DACT1: variants seen among roughly 807,000 people sequenced by gnomAD.
DACT1 encodes dishevelled binding antagonist of beta catenin 1, also known as dapper homolog 1.
DACT1 carries 19 observed loss-of-function variants against 35.3 expected under a neutral mutation model. The ratio of observed to expected loss-of-function variants is 0.54; its 90% CI spans 0.38 to 0.79. The LOEUF is 0.79. DACT1 is among the 30% of genes least tolerant of loss of function. DACT1 has a pLI of 0.00. For synonymous variants in DACT1, 545 were observed against 466.7 expected (o/e 1.17, Z -2.16); for missense variants, 1,143 against 1,057.5 (o/e 1.08, Z -1.12).
chr14:58,646,942 C>G lies in DACT1; in HGVS notation c.2208C>G (p.Thr736=), dbSNP rs146869614. The change falls in exon 4 of 4, where the codon ACC becomes ACG. Residue 736 remains threonine, a synonymous_variant. Transcript: ENST00000395153. ...EGEFVGESTT[T]SDSEESGGLI... is the part of the protein sequence containing the mutation. ...AGTTCGTGGGGGAGAGCACAACCAC[C>G]AGCGACTCTGAAGAAAGCGGGGGCT... 13 of 1,614,050 alleles carry G rather than the reference C, an allele frequency of 8.1e-6. No individual in the cohort carries two copies. In the African/African-American group the frequency reaches 1.5e-4, roughly 18 times the overall value.
chr14:58,643,466 G>T (rs2047646110), intron 3 of DACT1, among the ~76,000 whole-genome samples: 1 of 152,208 alleles, frequency 6.6e-6, no homozygotes. Context: ...GAGCTAATTG[G>T]CTGGTGTCTT....
chr14:58,646,612 G>A lies in DACT1; in HGVS notation c.1878G>A (p.Glu626=), dbSNP rs776544592. 14 of 1,604,362 alleles carry A rather than the reference G, an allele frequency of 8.7e-6. No individual in the cohort carries two copies. In the South Asian group the frequency reaches 1.6e-4, roughly 18 times the overall value. ...AGSRAHGHGR[E]AVVAKPKHKR... ...GCAGGGCGCATGGCCACGGACGGGA[G>A]GCGGTGGTGGCCAAACCTAAGCACA... Residue 626 remains glutamate (E), a synonymous_variant, in exon 4 of 4, where the codon GAG becomes GAA. Transcript: ENST00000395153.
In DACT1 at chr14:58,645,710, A is replaced by T. The variant is rs768116433; in HGVS notation, c.976A>T (p.Asn326Tyr). The change falls in exon 4 of 4, where the codon AAC becomes TAC. Residue 326 changes from asparagine to tyrosine, a missense_variant. Asn to Tyr is a moderately radical substitution (Grantham distance 143). Coordinates refer to ENST00000395153, the MANE Select transcript of DACT1 (RefSeq NM_001079520.2). ...GACCAACAAACCAAGAACCAGCGTG[A>T]ACGCTGACCCCACGAAAGGGCTTCT... is the stretch of plus-strand genomic sequence containing the variant. Reference protein sequence around the residue: ...VRTNKPRTSVNADPTKGLLRN... With the variant: ...VRTNKPRTSVYADPTKGLLRN... 6.8e-6 allele frequency: 11 copies of T among 1,614,256 alleles called. No homozygotes were observed. The highest frequency in any genetic ancestry group is 3.3e-4 in the Middle Eastern group (2 of 6,062).
At chr14:58,635,329 C>T (rs1311424721), upstream of DACT1, among the ~76,000 whole-genome samples, 3 of 152,146 alleles carry the variant, frequency 2.0e-5, no homozygotes, top group Non-Finnish European at 4.4e-5. Flanking sequence ...AATTTGGCTG[C>T]TAGCTTAAAA....
At position 58,647,125 on chromosome 14, in the gene DACT1, G is replaced by T. The variant is rs373513248; in HGVS notation, c.2391G>T (p.Thr797=). 1 of 1,613,700 alleles carries T rather than the reference G, an allele frequency of 6.2e-7. No individual in the cohort carries two copies. The highest frequency in any genetic ancestry group is 8.5e-7 in the Non-Finnish European group (1 of 1,179,956). ...GGTCTGGCTCTTTGAAACTGATGAC[G>T]ACGGTTTGAGTGACATCATTGGTGT... The part of the protein sequence containing the change: ...RFRSGSLKLM[T]TV The change falls in exon 4 of 4, where the codon ACG becomes ACT. Residue 797 remains threonine (T), a synonymous_variant. Transcript: ENST00000395153.
At chr14:58,644,846 C>T (rs1267044623) in intron 3 of DACT1, among the ~76,000 whole-genome samples, 1 of 152,164 alleles carries the variant, frequency 6.6e-6, no homozygotes, top group African/African-American at 2.4e-5. Context: ...AAGTAAATAT[C>T]ACTTACTTCT....
At chr14:58,637,453 G>A (rs2047580960), upstream of DACT1, among the ~76,000 whole-genome samples, 1 of 152,260 alleles carries the variant, frequency 6.6e-6, no homozygotes, top group Admixed American at 6.5e-5. Context: ...CAGTGTCTGT[G>A]AATACACTTG....
At chr14:58,640,508 T>G (rs539580012) in intron 1 of DACT1, among the ~76,000 whole-genome samples, 1 of 152,348 alleles carries the variant, frequency 6.6e-6, no homozygotes, top group African/African-American at 2.4e-5. Context: ...ACAAGTCTTG[T>G]TTTTATGAAG....
upstream of DACT1, among the ~76,000 whole-genome samples, chr14:58,636,997 GC>G (rs34548938): frequency 1.3e-5 from 2 of 152,312 alleles, no homozygotes; most frequent in East Asian, 3.9e-4. Flanking sequence ...TAAGTGCACA[GC>G]CCCCACAATA....
At position 58,646,539 on chromosome 14, in the gene DACT1, A is replaced by T; in HGVS notation, c.1805A>T (p.Glu602Val). 2 of 1,555,918 alleles carry T rather than the reference A, an allele frequency of 1.3e-6. No individual in the cohort carries two copies. The highest frequency in any genetic ancestry group is 1.7e-6 in the Non-Finnish European group (2 of 1,153,392). The change falls in exon 4 of 4, where the codon GAG (glutamate) becomes GTG (valine). Residue 602 changes from glutamate (E) to valine (V), a missense_variant. Coordinates refer to ENST00000395153, the MANE Select transcript of DACT1 (RefSeq NM_001079520.2). ...GGGAGGAAGAGTGGGGGCGGGCCCG[A>T]GGCTGGTGTTCCCGGCAGGCCCGCG... ...SKGRKSGGGPEAGVPGRPAGG... is the reference protein window; with the variant it reads ...SKGRKSGGGPVAGVPGRPAGG...
At chr14:58,636,413 T>A (rs1382061023), upstream of DACT1, among the ~76,000 whole-genome samples, 2 of 152,296 alleles carry the variant, frequency 1.3e-5, no homozygotes, top group East Asian at 3.9e-4. Flanking sequence ...TAAGAGGGTA[T>A]TAAAACAGTC....
At position 58,645,681 on chromosome 14, in the gene DACT1, T is replaced by A. The variant is rs778616500; in HGVS notation, c.947T>A (p.Val316Glu). 6.2e-7 allele frequency: 1 copy of A among 1,614,172 alleles called. No individual in the cohort carries two copies. Among genetic ancestry groups the A allele is most frequent in the Non-Finnish European group, 8.5e-7 (1 of 1,180,034 alleles). Residue 316 changes from valine (V) to glutamate (E), a missense_variant, in exon 4 of 4, where the codon GTA becomes GAA. This residue lies in a region of DACT1 where 1,054 missense variants were observed against 958.8 expected (regional missense o/e 1.10). Transcript: ENST00000395153. ...CTGGTCCAGAAAAAAACACACCCTG[T>A]AAGGACCAACAAACCAAGAACCAGC... ...LSLVQKKTHP[V>E]RTNKPRTSVN...
At chr14:58,640,945 C>A in intron 2 of DACT1, 77 bp downstream of exon 2, 1 of 1,510,348 alleles carries the variant, frequency 6.6e-7, no homozygotes, top group Non-Finnish European at 9.1e-7. Flanking sequence ...CATTCCCAGA[C>A]CTGCAAATGG....
At chr14:58,637,564 G>C (rs1024010518), upstream of DACT1, among the ~76,000 whole-genome samples, 2 of 152,210 alleles carry the variant, frequency 1.3e-5, no homozygotes, top group Non-Finnish European at 2.9e-5. Flanking sequence ...CAACTTGGTC[G>C]AGTTTCAGAA....
Position 58,645,894 on chromosome 14 carries a change from A to C in DACT1, c.1160A>C (p.Lys387Thr), listed in dbSNP as rs1490927667. The C allele has an allele frequency of 1.6e-5, 26 of 1,614,086 alleles. No homozygotes were observed. The highest frequency in any genetic ancestry group is 2.1e-5 in the Non-Finnish European group (25 of 1,180,046). The part of the protein sequence containing the change: ...SPPKQWSKES[K>T]AEQAESKRVP... ...CCGAAGCAGTGGTCGAAAGAATCAAAGGCCGAACAAGCCGAAAGCAAGAGG... is the reference window on the plus strand; with the variant it reads ...CCGAAGCAGTGGTCGAAAGAATCAACGGCCGAACAAGCCGAAAGCAAGAGG... The change falls in exon 4 of 4, where the codon AAG (lysine) becomes ACG (threonine). Residue 387 changes from lysine (K) to threonine (T), a missense_variant. Lys to Thr is a moderately conservative substitution (Grantham distance 78). Around this residue, in one of 3 missense-constraint regions of DACT1, gnomAD observed 1,054 missense variants for 958.8 expected, o/e 1.10. Transcript: ENST00000395153.
chr14:58,648,173 T>C lies in DACT1; in HGVS notation c.*1039T>C, dbSNP rs1192662470. 1 of 167,114 alleles carries C rather than the reference T, an allele frequency of 6.0e-6. No individual in the cohort carries two copies. The highest frequency in any genetic ancestry group is 2.4e-5 in the African/African-American group (1 of 41,462). 10.4% of individuals were successfully genotyped at this position (167,114 alleles called of 1,614,324 possible). ...AGTAGTACTTGTGTTGATACTCCTG[T>C]TGATGTTAAATTACTATATAATATA... On this transcript the variant is annotated 3_prime_UTR_variant, in exon 4 of 4. Transcript: ENST00000395153.
chr14:58,640,935 C>T lies in DACT1; in HGVS notation c.478+67C>T, dbSNP rs935585051. 4 of 1,566,614 alleles carry T rather than the reference C, an allele frequency of 2.6e-6. No individual in the cohort carries two copies. In the African/African-American group the frequency reaches 5.4e-5, roughly 21 times the overall value. On this transcript the variant is annotated intron_variant, in intron 2 of 3. Transcript: ENST00000395153. ...TTGTATCTCAGCCCCTTGTGGTTAA[C>T]ATTCCCAGACCTGCAAATGGCAATG...
chr14:58,642,649 G>A (rs1331967877), intron 3 of DACT1, among the ~76,000 whole-genome samples: 1 of 152,084 alleles, frequency 6.6e-6, no homozygotes, highest in Admixed American at 6.5e-5. Context: ...AGCCGAGATT[G>A]TGCCACTGCA....
chr14:58,646,270 G>A lies in DACT1; in HGVS notation c.1536G>A (p.Leu512=). The A allele has an allele frequency of 6.2e-7, 1 of 1,613,696 alleles. No individual in the cohort carries two copies. Among genetic ancestry groups the A allele is most frequent in the African/African-American group, 1.3e-5 (1 of 75,026 alleles). Residue 512 remains leucine (L), a synonymous_variant, in exon 4 of 4, where the codon CTG becomes CTA. Transcript: ENST00000395153. ...DFKSEGSSQS[L]EEAHLVKAQF... ...AGAGCGAGGGCTCTTCCCAAAGCCT[G>A]GAGGAAGCGCACCTGGTCAAGGCCC...
Sources: gnomAD v4.1 joint callset for allele counts (sites outside exome capture counted in the v4.1 genomes callset) on GRCh38, gnomAD v4.1.1 for gene constraint, gnomAD v4.1.1 regional missense constraint, MANE v1.5 for transcripts, NCBI Gene and HGNC (gene_info 2026-07-23, HGNC 2026-07-21) for gene names.